The following MACROD2 variants were observed in gnomAD, a reference collection of about 807,000 sequenced individuals.
MACROD2 encodes ADP-ribose glycohydrolase MACROD2.
Under a neutral mutation model 70.4 loss-of-function variants are expected in MACROD2, and 36 were observed. The observed-to-expected ratio is 0.51, with a 90% CI of 0.39 to 0.68. MACROD2 has a LOEUF of 0.68. Among genes scored for constraint, MACROD2 ranks in the 30% least tolerant of loss-of-function variants. MACROD2 has a pLI of 0.00. For synonymous variants in MACROD2, 172 were observed against 178.8 expected, an observed-to-expected ratio of 0.96 and a Z score of 0.30; for missense variants, 496 against 538.4, an observed-to-expected ratio of 0.92 and a Z score of 0.78.
chr20:16,028,209 C>T (rs1351730882), intron 15 of MACROD2, among the ~76,000 whole-genome samples: 1 of 152,192 alleles, frequency 6.6e-6, no homozygotes, highest in African/African-American at 2.4e-5. Flanking sequence ...GTGGCTCACT[C>T]TCTCCTTTGT....
At chr20:15,069,801 A>C (rs2075605218) in intron 5 of MACROD2, among the ~76,000 whole-genome samples, 1 of 152,226 alleles carries the variant, frequency 6.6e-6, no homozygotes, top group Non-Finnish European at 1.5e-5. Context: ...CCCAGGCAGT[A>C]GCCTGCTACA....
intron 4 of MACROD2, among the ~76,000 whole-genome samples, chr20:14,674,735 C>T (rs993777477): frequency 3.3e-5 from 5 of 152,142 alleles, no homozygotes; most frequent in Non-Finnish European, 7.4e-5. Flanking sequence ...TATTTGATTT[C>T]CCCACAGCTT....
intron 13 of MACROD2, among the ~76,000 whole-genome samples, chr20:15,971,315 G>C (rs886921197): frequency 6.6e-6 from 1 of 152,116 alleles, no homozygotes; most frequent in Non-Finnish European, 1.5e-5. Context: ...TGTTGTGGGA[G>C]GGACCCTGTA....
rs933696132 is a variant in MACROD2 at position 16,052,216 on chromosome 20, T to C, written c.*2340T>C. On this transcript the variant is annotated 3_prime_UTR_variant, in exon 18 of 18. Transcript: ENST00000684519. Reference sequence around the variant, plus strand: ...TATTTGGCTATACAGTTTTATGCTTTAAAACAAATGATAAAGTTAATTTCC... The same window carrying C: ...TATTTGGCTATACAGTTTTATGCTTCAAAACAAATGATAAAGTTAATTTCC... The C allele has an allele frequency of 6.6e-6, 1 of 152,238 alleles. No individual in the cohort carries two copies. Among genetic ancestry groups the C allele is most frequent in the African/African-American group, 2.4e-5 (1 of 41,466 alleles). 9.4% of individuals were successfully genotyped at this position (152,238 alleles called of 1,614,324 possible). A position where few individuals can be genotyped will look rare whatever the true frequency, so the allele number is the denominator to read the frequency against.
intron 4 of MACROD2, among the ~76,000 whole-genome samples, chr20:14,510,852 A>G (rs1346507576): frequency 6.6e-6 from 1 of 152,122 alleles, no homozygotes; most frequent in East Asian, 1.9e-4. Context: ...AATGAGTTTC[A>G]CAGAGATACT....
At chr20:14,317,194 G>A (rs770933642) in intron 3 of MACROD2, among the ~76,000 whole-genome samples, 5 of 151,932 alleles carry the variant, frequency 3.3e-5, no homozygotes, top group Non-Finnish European at 5.9e-5. Context: ...TTTATCTCTC[G>A]GGTCTTAGGC....
chr20:15,192,012 ATG>A (rs2076574973), intron 5 of MACROD2, among the ~76,000 whole-genome samples: 1 of 112,570 alleles, frequency 8.9e-6, no homozygotes, highest in Non-Finnish European at 1.8e-5. Flanking sequence ...TCTATTAACT[ATG>A]TATCTATCTA....
At chr20:14,831,831 C>T (rs971392165) in intron 5 of MACROD2, among the ~76,000 whole-genome samples, 2 of 141,692 alleles carry the variant, frequency 1.4e-5, no homozygotes, top group South Asian at 4.6e-4. Context: ...ATATCTGGCA[C>T]ACGTTGTCCT....
intron 3 of MACROD2, among the ~76,000 whole-genome samples, chr20:14,403,181 A>AG (rs2083656862): frequency 6.6e-6 from 1 of 152,182 alleles, no homozygotes; most frequent in African/African-American, 2.4e-5. Context: ...AAATAAAAAA[A>AG]TCACTTCTAA....
intron 5 of MACROD2, among the ~76,000 whole-genome samples, chr20:14,762,986 A>G (rs1391583710): frequency 1.3e-5 from 2 of 152,094 alleles, no homozygotes; most frequent in Non-Finnish European, 2.9e-5. Flanking sequence ...TAAGCTAAGC[A>G]CAGAACAATG....
At chr20:14,500,511 T>C (rs982933779) in intron 4 of MACROD2, among the ~76,000 whole-genome samples, 7 of 152,236 alleles carry the variant, frequency 4.6e-5, no homozygotes, top group African/African-American at 1.7e-4. Context: ...CCCTGATTGC[T>C]CTAATCTTGC....
At chr20:15,159,301 G>A (rs892132635) in intron 5 of MACROD2, among the ~76,000 whole-genome samples, 13 of 152,004 alleles carry the variant, frequency 8.6e-5, no homozygotes, top group African/African-American at 2.9e-4. Flanking sequence ...TCTGATTTAG[G>A]TTCATTCTCT....
chr20:16,009,297 G>T (rs2066830411), intron 15 of MACROD2, among the ~76,000 whole-genome samples: 1 of 152,176 alleles, frequency 6.6e-6, no homozygotes, highest in African/African-American at 2.4e-5. Flanking sequence ...TTGTATAGAA[G>T]CCTGACAAAA....
intron 15 of MACROD2, among the ~76,000 whole-genome samples, chr20:15,988,436 T>C (rs1038501665): frequency 1.3e-5 from 2 of 152,152 alleles, no homozygotes; most frequent in African/African-American, 4.8e-5. Flanking sequence ...GTTTATTGCA[T>C]TTCAAGAAAT....
intron 10 of MACROD2, among the ~76,000 whole-genome samples, chr20:15,927,473 A>C (rs914745247): frequency 2.6e-5 from 4 of 152,186 alleles, no homozygotes; most frequent in African/African-American, 9.7e-5. Flanking sequence ...GAACTGTGTG[A>C]CTTCAGGGAA....
At chr20:15,673,587 A>G (rs2050012687) in intron 8 of MACROD2, among the ~76,000 whole-genome samples, 1 of 152,218 alleles carries the variant, frequency 6.6e-6, no homozygotes, top group African/African-American at 2.4e-5. Context: ...TTCATGGTCT[A>G]TGTCCCAGAG....
intron 5 of MACROD2, among the ~76,000 whole-genome samples, chr20:15,151,340 G>T (rs2076268442): frequency 1.3e-5 from 2 of 152,084 alleles, no homozygotes; most frequent in South Asian, 4.1e-4. Flanking sequence ...GGCTGCTGCG[G>T]TTCAGGCGTT....
intron 3 of MACROD2, among the ~76,000 whole-genome samples, chr20:14,368,110 C>T (rs767737185): frequency 6.6e-5 from 10 of 152,052 alleles, no homozygotes; most frequent in Non-Finnish European, 1.0e-4. Flanking sequence ...TTTCCTTTAG[C>T]TCTTTGATTT....
At chr20:15,014,405 T>G (rs1424717162) in intron 5 of MACROD2, among the ~76,000 whole-genome samples, 3 of 152,202 alleles carry the variant, frequency 2.0e-5, no homozygotes, top group Non-Finnish European at 2.9e-5. Flanking sequence ...ATCAATATTT[T>G]TTTATAGTCT....
Sources: gnomAD v4.1 joint callset for allele counts (sites outside exome capture counted in the v4.1 genomes callset) on GRCh38, gnomAD v4.1.1 for gene constraint, MANE v1.5 for transcripts, NCBI Gene and HGNC (gene_info 2026-07-23, HGNC 2026-07-21) for gene names.